Variants in CDIN1 observed in about 807,000 individuals in gnomAD.
CDIN1 encodes the protein CDAN1-interacting nuclease 1.
A neutral mutation model predicts 45.3 loss-of-function variants in CDIN1; 33 were observed. The ratio of observed to expected loss-of-function variants is 0.73; its 90% CI spans 0.55 to 0.97. CDIN1 has a LOEUF of 0.97. CDIN1 is among the 50% of genes least tolerant of loss of function. CDIN1 has a pLI of 0.00. For synonymous variants in CDIN1, 118 were observed against 124.4 expected (o/e 0.95, Z 0.34); for missense variants, 303 against 339.4 (o/e 0.89, Z 0.84).
intron 10 of CDIN1, among the ~76,000 whole-genome samples, chr15:36,784,408 T>G (rs1048858137): frequency 1.3e-5 from 2 of 152,144 alleles, no homozygotes; most frequent in African/African-American, 4.8e-5. Context: ...CAAGCAATAA[T>G]TGCTCAAAGC....
At chr15:36,598,261 G>A (rs147149529) in intron 1 of CDIN1, among the ~76,000 whole-genome samples, 1,741 of 152,162 alleles carry the variant, frequency 0.011, 18 homozygotes, top group Non-Finnish European at 0.019. Flanking sequence ...CAAAGTGCCT[G>A]GATTACAGGT....
chr15:36,808,211 C>G, intron 10 of CDIN1, 113 bp from the exon 11 acceptor site: 1 of 1,486,486 alleles, frequency 6.7e-7, no homozygotes, highest in Non-Finnish European at 9.1e-7. Flanking sequence ...GCAACCAAAA[C>G]AAAAATTTTG....
At chr15:36,667,708 A>T (rs1458234675) in intron 5 of CDIN1, among the ~76,000 whole-genome samples, 1 of 152,134 alleles carries the variant, frequency 6.6e-6, no homozygotes, top group Non-Finnish European at 1.5e-5. Context: ...TAAGAATGAG[A>T]TGATACGAAG....
chr15:36,797,207 G>A (rs2054829458), intron 10 of CDIN1, among the ~76,000 whole-genome samples: 1 of 152,200 alleles, frequency 6.6e-6, no homozygotes, highest in African/African-American at 2.4e-5. Context: ...CACTTTAATA[G>A]TTTGCTATCT....
At chr15:36,642,961 G>A (rs544804297) in intron 1 of CDIN1, among the ~76,000 whole-genome samples, 6 of 152,182 alleles carry the variant, frequency 3.9e-5, no homozygotes, top group Middle Eastern at 3.4e-3. Context: ...GAAGATTATT[G>A]TCAGCAACCC....
intron 10 of CDIN1, among the ~76,000 whole-genome samples, chr15:36,744,765 G>T (rs904200610): frequency 6.6e-6 from 1 of 152,102 alleles, no homozygotes; most frequent in Non-Finnish European, 1.5e-5. Context: ...TTTGAAAATG[G>T]CCTTCAACTA....
intron 1 of CDIN1, among the ~76,000 whole-genome samples, chr15:36,631,329 C>T (rs940714299): frequency 3.9e-5 from 6 of 152,148 alleles, no homozygotes; most frequent in Admixed American, 6.5e-5. Context: ...AGTATATTCA[C>T]GAAGTTGTAC....
chr15:36,684,756 A>C (rs1365055598), intron 5 of CDIN1, among the ~76,000 whole-genome samples: 14 of 151,716 alleles, frequency 9.2e-5, no homozygotes, highest in Non-Finnish European at 1.5e-4. Flanking sequence ...ACAATTTCAG[A>C]TCCTGTTATT....
At chr15:36,745,966 C>CA (rs545186288) in intron 10 of CDIN1, among the ~76,000 whole-genome samples, 6 of 149,198 alleles carry the variant, frequency 4.0e-5, no homozygotes, top group Admixed American at 1.3e-4. Flanking sequence ...ACGCCATCTC[C>CA]AAAAAAAAAG....
At chr15:36,698,495 G>A (rs1045698802) in intron 8 of CDIN1, among the ~76,000 whole-genome samples, 3 of 152,126 alleles carry the variant, frequency 2.0e-5, no homozygotes, top group African/African-American at 7.2e-5. Context: ...ATGGAAAGAT[G>A]GTAAGTTGGA....
intron 1 of CDIN1, among the ~76,000 whole-genome samples, chr15:36,603,751 G>A (rs2038222469): frequency 6.6e-6 from 1 of 152,066 alleles, no homozygotes; most frequent in African/African-American, 2.4e-5. Flanking sequence ...TAGAGTTGGA[G>A]GAATCACTAC....
intron 1 of CDIN1, among the ~76,000 whole-genome samples, chr15:36,585,243 A>G (rs1021009109): frequency 6.6e-5 from 10 of 152,216 alleles, no homozygotes; most frequent in Non-Finnish European, 1.2e-4. Flanking sequence ...TAACATTACC[A>G]TGGTACGATT....
At chr15:36,614,088 G>C in intron 1 of CDIN1, 2 of 849,340 alleles carry the variant, frequency 2.4e-6, no homozygotes. Context: ...TTTGCTGAGA[G>C]ATCGGTAGCC....
chr15:36,702,050 A>T, intron 8 of CDIN1: 1 of 702,190 alleles, frequency 1.4e-6, no homozygotes, highest in Non-Finnish European at 2.6e-6. Context: ...GATGAGATTT[A>T]GAATACCAAG....
chr15:36,696,244 C>T (rs1016306833), intron 7 of CDIN1, among the ~76,000 whole-genome samples: 8 of 152,160 alleles, frequency 5.3e-5, no homozygotes, highest in South Asian at 2.1e-4. Context: ...TACATGCATA[C>T]GCATACACAC....
chr15:36,663,597 A>G (rs1200643242), intron 5 of CDIN1, among the ~76,000 whole-genome samples: 1 of 152,058 alleles, frequency 6.6e-6, no homozygotes, highest in Admixed American at 6.6e-5. Context: ...TCCTGCCACC[A>G]TGTGAAGAAG....
rs2036940316 is a variant in CDIN1, at chr15:36,579,627, C to T, written c.-234C>T. On this transcript the variant is annotated 5_prime_UTR_variant, in exon 1 of 11. Coordinates refer to ENST00000566621, the MANE Select transcript of CDIN1 (RefSeq NM_001321759.2). ...CTGCTCAGTAAGCCAAGCTAGGGCA[C>T]TCTGGTGTACAGCCAGTCCCCGCCG... The T allele has an allele frequency of 8.7e-6, 4 of 457,850 alleles. No homozygotes were observed. 28.4% of individuals were successfully genotyped at this position (457,850 alleles called of 1,614,324 possible).
intron 5 of CDIN1, among the ~76,000 whole-genome samples, chr15:36,675,522 G>A (rs779921438): frequency 6.6e-6 from 1 of 152,122 alleles, no homozygotes; most frequent in Non-Finnish European, 1.5e-5. Context: ...AGAGTTTGCA[G>A]CATGTCTTTT....
At chr15:36,651,139 A>C (rs1333953611) in intron 3 of CDIN1, among the ~76,000 whole-genome samples, 3 of 152,096 alleles carry the variant, frequency 2.0e-5, no homozygotes, top group African/African-American at 7.2e-5. Flanking sequence ...ATGCAGAGAC[A>C]CATGAATTCT....
Sources: allele counts gnomAD v4.1 joint callset (sites outside exome capture counted in the v4.1 genomes callset), GRCh38; gene constraint gnomAD v4.1.1; transcripts MANE v1.5; gene names NCBI Gene and HGNC (gene_info 2026-07-23, HGNC 2026-07-21).